FBP2: variants seen among roughly 807,000 people sequenced by gnomAD.
FBP2 encodes fructose-bisphosphatase 2, also known as fructose-1,6-bisphosphatase isozyme 2.
In FBP2, 27 loss-of-function variants were observed where a neutral mutation model predicts 31.6. That is an observed-to-expected ratio of 0.85 (90% CI 0.63 to 1.18). The LOEUF is 1.18. Ranked by LOEUF, FBP2 falls within the 50% of genes most tolerant of loss-of-function variation. FBP2 has a pLI of 0.00. For missense variants in FBP2, 421 were observed against 436.1 expected (o/e 0.97, Z 0.31); for synonymous variants, 168 against 179.8 (o/e 0.93, Z 0.53).
At chr9:94,588,689 C>T (rs1827456834) in intron 1 of FBP2, among the ~76,000 whole-genome samples, 1 of 152,156 alleles carries the variant, frequency 6.6e-6, no homozygotes, top group Admixed American at 6.5e-5. Context: ...CTTCCACCCT[C>T]GCCCCTTCAG....
At chr9:94,579,050 C>CAA (rs55778806) in intron 3 of FBP2, among the ~76,000 whole-genome samples, 7 of 30,594 alleles carry the variant, frequency 2.3e-4, no homozygotes, top group East Asian at 1.2e-3. Context: ...GAGACTCTGT[C>CAA]AAAAAAAAAA....
At position 94,578,785 on chromosome 9, in the gene FBP2, G is replaced by A. The variant is rs565219842; in HGVS notation, c.426+5792C>T. 2.0e-3 allele frequency among the ~76,000 whole-genome samples: 304 copies of A among 152,068 alleles called. 1 individual carries two copies. The highest frequency in any genetic ancestry group is 7.1e-3 in the African/African-American group (293 of 41,490). Reference sequence around the variant, plus strand: ...AATAATTTTATAGGCTGGACGTGGTGGCTCAGGCCTGTAATCCCAGCACTT... The same window carrying A: ...AATAATTTTATAGGCTGGACGTGGTAGCTCAGGCCTGTAATCCCAGCACTT... On this transcript the variant is annotated intron_variant, in intron 3 of 6. Transcript: ENST00000375337.
intron 3 of FBP2, among the ~76,000 whole-genome samples, chr9:94,583,013 C>T (rs1327013123): frequency 6.6e-6 from 1 of 151,816 alleles, no homozygotes; most frequent in East Asian, 1.9e-4. Context: ...GCCACTATGC[C>T]CAGCTAATTT....
intron 3 of FBP2, 119 bp from the exon 4 acceptor site, chr9:94,571,721 T>A: frequency 1.1e-6 from 1 of 915,582 alleles, no homozygotes; most frequent in Non-Finnish European, 1.6e-6. Context: ...CTTTGAATTT[T>A]AAGCTGCTGC....
chr9:94,564,365 G>C (rs926401834), intron 5 of FBP2, among the ~76,000 whole-genome samples: 1 of 152,210 alleles, frequency 6.6e-6, no homozygotes, highest in African/African-American at 2.4e-5. Context: ...GCACATGTAT[G>C]TTCACTGCAA....
chr9:94,562,858 G>A (rs1477078539), intron 6 of FBP2, among the ~76,000 whole-genome samples: 2 of 152,168 alleles, frequency 1.3e-5, no homozygotes, highest in African/African-American at 4.8e-5. Context: ...CTTATTCTGA[G>A]GTTTGGAAAT....
At chr9:94,582,684 A>G (rs1168956738) in intron 3 of FBP2, among the ~76,000 whole-genome samples, 4 of 151,162 alleles carry the variant, frequency 2.6e-5, no homozygotes, top group African/African-American at 9.8e-5. Flanking sequence ...AGTAGCTGGG[A>G]CTACAGGCAC....
At chr9:94,561,962 T>C (rs967771780) in intron 6 of FBP2, among the ~76,000 whole-genome samples, 1 of 152,330 alleles carries the variant, frequency 6.6e-6, no homozygotes, top group East Asian at 1.9e-4. Flanking sequence ...TAGTAATAAC[T>C]GATCTTTATG....
chr9:94,587,566 C>A, intron 1 of FBP2, 97 bp from the exon 2 acceptor site: 1 of 1,040,870 alleles, frequency 9.6e-7, no homozygotes, highest in Non-Finnish European at 1.5e-6. Flanking sequence ...AGTCCCCTCT[C>A]GTTCTGTGTC....
At chr9:94,570,093 T>C (rs693399) in intron 4 of FBP2, 40,192 of 152,244 alleles carry the variant, frequency 0.26, 6,720 homozygotes, top group East Asian at 0.53. Context: ...CTCTTCCTTC[T>C]GTCATGTTGA....
chr9:94,560,643 A>T (rs1225744689), intron 6 of FBP2, among the ~76,000 whole-genome samples: 1 of 150,564 alleles, frequency 6.6e-6, no homozygotes, highest in East Asian at 1.9e-4. Context: ...ATATGTTTAA[A>T]CTACTTTGAG....
chr9:94,591,329 C>T (rs541931569), intron 1 of FBP2, among the ~76,000 whole-genome samples: 4 of 152,342 alleles, frequency 2.6e-5, no homozygotes, highest in Non-Finnish European at 5.9e-5. Flanking sequence ...TCGAGCGCAG[C>T]GCCAGTGGGC....
intron 5 of FBP2, among the ~76,000 whole-genome samples, chr9:94,566,624 G>A (rs1827193576): frequency 6.6e-6 from 1 of 152,192 alleles, no homozygotes; most frequent in South Asian, 2.1e-4. Flanking sequence ...ATATTTCTGT[G>A]TGTGTGTCTT....
intron 6 of FBP2, among the ~76,000 whole-genome samples, chr9:94,560,177 C>T (rs1229668421): frequency 4.6e-5 from 7 of 152,146 alleles, no homozygotes; most frequent in Non-Finnish European, 1.5e-5. Flanking sequence ...CGAGGGGTCC[C>T]AGCCGAGGGC....
chr9:94,562,065 A>G (rs962913014), intron 6 of FBP2, among the ~76,000 whole-genome samples: 31 of 152,152 alleles, frequency 2.0e-4, no homozygotes. Flanking sequence ...TAATCCCAGC[A>G]CTTTGGGAGG....
intron 1 of FBP2, among the ~76,000 whole-genome samples, chr9:94,590,929 G>T (rs1358331423): frequency 2.6e-5 from 4 of 152,116 alleles, no homozygotes; most frequent in African/African-American, 9.6e-5. Flanking sequence ...GTTCTCCAAG[G>T]CCCCACCAGA....
At chr9:94,589,431 C>T (rs1156889868) in intron 1 of FBP2, among the ~76,000 whole-genome samples, 2 of 152,196 alleles carry the variant, frequency 1.3e-5, no homozygotes, top group Non-Finnish European at 2.9e-5. Flanking sequence ...CCTCAGTGTT[C>T]ACCACACTCA....
chr9:94,590,311 G>A (rs1367867323), intron 1 of FBP2, among the ~76,000 whole-genome samples: 3 of 152,170 alleles, frequency 2.0e-5, no homozygotes, highest in East Asian at 1.9e-4. Context: ...GGCTCCAGGC[G>A]GGCACTCCAG....
chr9:94,563,220 C>T (rs1475967020), intron 6 of FBP2, 122 bp downstream of exon 6: 1 of 1,134,418 alleles, frequency 8.8e-7, no homozygotes. Context: ...ATTTTTCCTC[C>T]CCTGCCCATC....
Sources: gnomAD v4.1 joint callset for allele counts (sites outside exome capture counted in the v4.1 genomes callset) on GRCh38, gnomAD v4.1.1 for gene constraint, MANE v1.5 for transcripts, NCBI Gene and HGNC (gene_info 2026-07-23, HGNC 2026-07-21) for gene names.